The following FCSK variants were observed in gnomAD, a reference collection of about 807,000 sequenced individuals.
FCSK encodes L-fucose kinase.
In FCSK, 123 loss-of-function variants were observed where a neutral mutation model predicts 122.5. That is an observed-to-expected ratio of 1.00 (90% CI 0.87 to 1.17). The LOEUF is 1.17. Among genes scored for constraint, FCSK ranks in the 50% most tolerant of loss-of-function variants. FCSK has a pLI of 0.00. For synonymous variants in FCSK, 620 were observed against 625.5 expected, an observed-to-expected ratio of 0.99 and a Z score of 0.13; for missense variants, 1,366 against 1,450.4, an observed-to-expected ratio of 0.94 and a Z score of 0.95.
At chr16:70,475,901 C>T (rs2048797157) in intron 20 of FCSK, 134 bp downstream of exon 20, 1 of 939,526 alleles carries the variant, frequency 1.1e-6, no homozygotes, top group Non-Finnish European at 1.5e-6. Context: ...AAATACTTTC[C>T]TTCTAGTCAC....
Position 70,468,940 on chromosome 16 carries a change from G to T in FCSK, c.755G>T (p.Gly252Val). 1 of 1,613,714 alleles carries T rather than the reference G, an allele frequency of 6.2e-7. No homozygotes were observed. Among genetic ancestry groups the T allele is most frequent in the Non-Finnish European group, 8.5e-7 (1 of 1,180,020 alleles). ...SPPLDACTYL[G>V]LDSGARPVQL... ...CCCCTGGATGCCTGCACCTACCTAG[G>T]CTTGGACTCCGGAGCCCGGCCTGTC... The change falls in exon 9 of 24, where the codon GGC (glycine) becomes GTC (valine). Residue 252 changes from glycine to valine, a missense_variant. Physicochemically the swap from Gly to Val is moderately radical, Grantham distance 109 (BLOSUM62 -3). Transcript: ENST00000288078.
chr16:70,469,808 C>G (rs927990395), intron 10 of FCSK, among the ~76,000 whole-genome samples: 1 of 151,616 alleles, frequency 6.6e-6, no homozygotes, highest in African/African-American at 2.4e-5. Context: ...GCTGGGCTTA[C>G]AGGCATGAGC....
Position 70,479,747 on chromosome 16 carries a change from G to A in FCSK, c.*67G>A, listed in dbSNP as rs1361995134. On this transcript the variant is annotated 3_prime_UTR_variant, in exon 24 of 24. Transcript: ENST00000288078. Reference sequence around the variant, plus strand: ...GTGTCCCCCACCTTCCTTGCCCCATGGGAACCTCCACCTCCTACTCCCCAC... The same window carrying A: ...GTGTCCCCCACCTTCCTTGCCCCATAGGAACCTCCACCTCCTACTCCCCAC... 1.5e-6 allele frequency: 2 copies of A among 1,291,564 alleles called. No homozygotes were observed. Among genetic ancestry groups the A allele is most frequent in the East Asian group, 4.8e-5 (2 of 41,846 alleles). 80.0% of individuals were successfully genotyped at this position (1,291,564 alleles called of 1,614,324 possible). A position where few individuals can be genotyped will look rare whatever the true frequency, so the allele number is the denominator to read the frequency against.
rs962168640 is a variant in FCSK, at chr16:70,475,411, G to T, written c.2439G>T (p.Gln813His). ...AGIVHVHSEL[Q>H]LSEQLLRTFG... ...TCGTGCATGTCCACTCGGAACTCCA[G>T]CTGAGTGAGCAGCTGCTCCGCACCT... Residue 813 changes from glutamine (Q) to histidine (H), a missense_variant, in exon 19 of 24, where the codon CAG becomes CAT. Coordinates refer to ENST00000288078, the MANE Select transcript of FCSK (RefSeq NM_145059.3). 1.4e-5 allele frequency: 22 copies of T among 1,609,890 alleles called. No individual in the cohort carries two copies. Among genetic ancestry groups the T allele is most frequent in the Non-Finnish European group, 1.8e-5 (21 of 1,179,694 alleles).
At chr16:70,476,015 T>A (rs2048801979) in intron 20 of FCSK, among the ~76,000 whole-genome samples, 1 of 152,120 alleles carries the variant, frequency 6.6e-6, no homozygotes, top group African/African-American at 2.4e-5. Flanking sequence ...CCCTTTTTTT[T>A]TTTTTGAGAC....
At position 70,474,971 on chromosome 16, in the gene FCSK, C is replaced by T. The variant is rs376454418; in HGVS notation, c.2337C>T (p.Cys779=). The change falls in exon 18 of 24, where the codon TGC becomes TGT. Residue 779 remains cysteine (C), a synonymous_variant. Coordinates refer to ENST00000288078, the MANE Select transcript of FCSK (RefSeq NM_145059.3). ...DEMTVKIVCR[C]LADLRDYCQP... is the part of the protein sequence containing the mutation. ...TGACTGTGAAGATAGTGTGCCGGTG[C>T]CTGGCTGACCTGCGGGACTACTGCC... 1.4e-5 allele frequency: 22 copies of T among 1,609,396 alleles called. No homozygotes were observed. In the East Asian group the frequency reaches 2.7e-4, roughly 20 times the overall value.
chr16:70,462,451 G>A (rs1597605981), intron 1 of FCSK, among the ~76,000 whole-genome samples: 1 of 152,254 alleles, frequency 6.6e-6, no homozygotes, highest in Non-Finnish European at 1.5e-5. Context: ...TTAGCTTCCT[G>A]AGTAGCTGGA....
Position 70,470,437 on chromosome 16 carries a change from C to G in FCSK, c.1068+11C>G, listed in dbSNP as rs367993863. On this transcript the variant is annotated intron_variant, in intron 11 of 23. Coordinates refer to ENST00000288078, the MANE Select transcript of FCSK (RefSeq NM_145059.3). The stretch of plus-strand genomic sequence containing the variant: ...CACTCCCAGGTGGAGGTGAGACCTC[C>G]CTGCCCCTCCGGTGCCTGCTGGTTG... 442 of 1,541,264 alleles carry G rather than the reference C, an allele frequency of 2.9e-4. No homozygotes were observed. The highest frequency in any genetic ancestry group is 3.7e-4 in the Non-Finnish European group (409 of 1,117,936).
chr16:70,463,526 A>C lies in FCSK; in HGVS notation c.83-97A>C, dbSNP rs1597608341. ...GCCTCCTACATGGAAAGCTAAGTCA[A>C]GGAAGATCAAACACTGATGATCAGT... is the stretch of plus-strand genomic sequence containing the variant. On this transcript the variant is annotated intron_variant, in intron 2 of 23. Transcript: ENST00000288078. 2.0e-6 allele frequency: 3 copies of C among 1,499,130 alleles called. No individual in the cohort carries two copies. The Admixed American group carries it at 5.4e-5, about 27-fold the overall frequency. 92.9% of individuals were successfully genotyped at this position (1,499,130 alleles called of 1,614,324 possible).
intron 4 of FCSK, 131 bp from the exon 5 acceptor site, chr16:70,466,001 T>A (rs947304078): frequency 2.1e-6 from 2 of 935,286 alleles, no homozygotes; most frequent in Non-Finnish European, 3.3e-6. Context: ...TATAAAAATA[T>A]ATTGTAGGAG....
chr16:70,465,830 G>A (rs757746836), intron 4 of FCSK, among the ~76,000 whole-genome samples: 1 of 152,124 alleles, frequency 6.6e-6, no homozygotes, highest in Non-Finnish European at 1.5e-5. Flanking sequence ...GTGCATGCCT[G>A]TAGTCCCAGC....
chr16:70,478,232 G>A, intron 20 of FCSK, 40 bp from the exon 21 acceptor site: 2 of 1,603,364 alleles, frequency 1.2e-6, no homozygotes, highest in Admixed American at 3.4e-5. Flanking sequence ...GTGAAGCTGG[G>A]CCAGATAGAC....
chr16:70,479,048 C>A, intron 22 of FCSK, 132 bp from the exon 23 acceptor site: 2 of 736,496 alleles, frequency 2.7e-6, no homozygotes, highest in Non-Finnish European at 4.5e-6. Flanking sequence ...ACTCCTGGCT[C>A]CAGCCGGCAC....
intron 1 of FCSK, among the ~76,000 whole-genome samples, chr16:70,459,235 A>AAG (rs1257295043): frequency 1.3e-5 from 2 of 151,654 alleles, no homozygotes; most frequent in Non-Finnish European, 2.9e-5. Flanking sequence ...AAAAAAAAAA[A>AAG]AAAAGTAAAA....
At position 70,468,868 on chromosome 16, in the gene FCSK, TCTC is replaced by T. The variant is rs1567701218; in HGVS notation, c.684_686del (p.Ser229del). The T allele has an allele frequency of 6.2e-7, 1 of 1,613,818 alleles. No individual in the cohort carries two copies. The highest frequency in any genetic ancestry group is 2.2e-5 in the East Asian group (1 of 44,870). On this transcript the variant is annotated inframe_deletion, in exon 9 of 24. Transcript: ENST00000288078. ...TTCCAGGTCTCTGGGGTTGTCTTCTTCTCTGTGGAGACTGCCGAGCGCCTCCTA... is the reference window on the plus strand; with the variant it reads ...TTCCAGGTCTCTGGGGTTGTCTTCTTTGTGGAGACTGCCGAGCGCCTCCTA...
chr16:70,474,928 G>C lies in FCSK; in HGVS notation c.2294G>C (p.Gly765Ala). The C allele has an allele frequency of 6.2e-7, 1 of 1,611,340 alleles. No homozygotes were observed. The highest frequency in any genetic ancestry group is 8.5e-7 in the Non-Finnish European group (1 of 1,179,260). ...IPEPELWLAVGPRQDEMTVKI... is the reference protein window; with the variant it reads ...IPEPELWLAVAPRQDEMTVKI... ...GAGCCTGAGCTGTGGCTGGCGGTGGGGCCTCGGCAGGATGAGATGACTGTG... is the reference window on the plus strand; with the variant it reads ...GAGCCTGAGCTGTGGCTGGCGGTGGCGCCTCGGCAGGATGAGATGACTGTG... Residue 765 changes from glycine (G) to alanine (A), a missense_variant, in exon 18 of 24, where the codon GGG becomes GCG. Gly to Ala is a moderately conservative substitution (Grantham distance 60, BLOSUM62 0). Transcript: ENST00000288078.
At chr16:70,465,235 G>A (rs2048381984) in intron 4 of FCSK, 59 bp downstream of exon 4, 1 of 1,524,374 alleles carries the variant, frequency 6.6e-7, no homozygotes, top group Admixed American at 1.8e-5. Flanking sequence ...TCGTGGAGTT[G>A]AGCAGGACTT....
At chr16:70,478,989 TTG>T (rs2048910353) in intron 22 of FCSK, 189 bp from the exon 23 acceptor site, 6 of 654,236 alleles carry the variant, frequency 9.2e-6, no homozygotes, top group Non-Finnish European at 1.6e-5. Flanking sequence ...GGGTGTGGTG[TTG>T]GTTGCTTCCT....
chr16:70,464,158 T>C (rs553921034), intron 3 of FCSK, among the ~76,000 whole-genome samples: 23 of 152,198 alleles, frequency 1.5e-4, no homozygotes, highest in Non-Finnish European at 3.1e-4. Context: ...GTGTCTCCCA[T>C]GCAACCAGCC....
Sources: gnomAD v4.1 joint callset for allele counts (sites outside exome capture counted in the v4.1 genomes callset) on GRCh38, gnomAD v4.1.1 for gene constraint, MANE v1.5 for transcripts, NCBI Gene and HGNC (gene_info 2026-07-23, HGNC 2026-07-21) for gene names.